Variants in TRMT44 observed in about 807,000 individuals in gnomAD.
TRMT44 encodes probable tRNA (uracil-O(2)-)-methyltransferase.
Under a neutral mutation model 77.3 loss-of-function variants are expected in TRMT44, and 78 were observed. The ratio of observed to expected loss-of-function variants is 1.01; its 90% CI spans 0.84 to 1.22. TRMT44 has a LOEUF of 1.22. Ranked by LOEUF, TRMT44 falls within the 50% of genes most tolerant of loss-of-function variation. TRMT44 has a pLI of 0.00. For synonymous variants in TRMT44, 391 were observed against 383.3 expected (o/e 1.02, Z -0.23); for missense variants, 1,090 against 964.4 (o/e 1.13, Z -1.73).
downstream of TRMT44, among the ~76,000 whole-genome samples, chr4:8,480,519 A>C (rs1399899312): frequency 1.1e-4 from 16 of 152,318 alleles, no homozygotes; most frequent in East Asian, 2.9e-3. Flanking sequence ...CGCCCCCAGA[A>C]GGTCATACTC....
downstream of TRMT44, chr4:8,479,554 G>A (rs1727549180): frequency 6.6e-6 from 1 of 152,048 alleles, no homozygotes; most frequent in Non-Finnish European, 1.5e-5. Flanking sequence ...GTATCTAAAC[G>A]TAGAAAAGGT....
intron 2 of TRMT44, among the ~76,000 whole-genome samples, chr4:8,488,413 A>C (rs2109228135): frequency 6.6e-6 from 1 of 152,272 alleles, no homozygotes; most frequent in African/African-American, 2.4e-5. Flanking sequence ...TAGGTAAAGG[A>C]AAATTACAGT....
the TRMT44 span, among the ~76,000 whole-genome samples, chr4:8,505,052 A>G: frequency 1.3e-5 from 2 of 151,836 alleles, no homozygotes; most frequent in South Asian, 4.2e-4. Flanking sequence ...TCCACCAACA[A>G]CAGCTGATCT....
chr4:8,483,182 A>G (rs1017384147), intron 2 of TRMT44, among the ~76,000 whole-genome samples: 6 of 152,360 alleles, frequency 3.9e-5, no homozygotes, highest in African/African-American at 1.2e-4. Context: ...GACCCAGGAC[A>G]TCTGATTAGA....
Position 8,442,690 on chromosome 4 carries a change from G to A in TRMT44, c.619+1249G>A, listed in dbSNP as rs559103903. On this transcript the variant is annotated intron_variant, in intron 1 of 10. Coordinates refer to ENST00000389737, the MANE Select transcript of TRMT44 (RefSeq NM_152544.3). ...TCGTTGGTAGAATCCAATTTTTTAT[G>A]TAGGACTGGGGTCCTTGTTCCCTTG... 2.2e-4 allele frequency among the ~76,000 whole-genome samples: 34 copies of A among 152,326 alleles called. No individual in the cohort carries two copies. In the South Asian group the frequency reaches 7.0e-3, roughly 32 times the overall value.
chr4:8,449,489 G>A (rs1458804827), intron 2 of TRMT44, among the ~76,000 whole-genome samples, 180 bp from the exon 3 acceptor site: 2 of 152,314 alleles, frequency 1.3e-5, no homozygotes, highest in East Asian at 3.9e-4. Context: ...GGGATTCTCT[G>A]TGCTTTTTAC....
chr4:8,453,185 C>G (rs979266725), intron 5 of TRMT44, among the ~76,000 whole-genome samples, 196 bp downstream of exon 5: 3 of 152,180 alleles, frequency 2.0e-5, no homozygotes, highest in African/African-American at 7.2e-5. Context: ...ACGTGGTGAT[C>G]TCATTGGACC....
At chr4:8,450,001 C>T (rs551535320) in intron 3 of TRMT44, 113 bp downstream of exon 3, 1 of 598,622 alleles carries the variant, frequency 1.7e-6, no homozygotes, top group South Asian at 2.3e-5. Flanking sequence ...GTCACCCCCC[C>T]AAAAAAAAGG....
At chr4:8,448,757 T>C (rs1221806029) in intron 2 of TRMT44, among the ~76,000 whole-genome samples, 1 of 152,224 alleles carries the variant, frequency 6.6e-6, no homozygotes, top group African/African-American at 2.4e-5. Context: ...TGCACCGTGG[T>C]GGCAGAAAAC....
At chr4:8,499,417 C>T in the TRMT44 span, among the ~76,000 whole-genome samples, 1 of 152,162 alleles carries the variant, frequency 6.6e-6, no homozygotes, top group Non-Finnish European at 1.5e-5. Flanking sequence ...CCTGCACCTG[C>T]CATACATTTC....
At chr4:8,489,190 C>T (rs1727916346) in intron 2 of TRMT44, among the ~76,000 whole-genome samples, 2 of 152,344 alleles carry the variant, frequency 1.3e-5, no homozygotes, top group South Asian at 4.1e-4. Flanking sequence ...CTTGAAGGCC[C>T]TGGGGCTGTC....
chr4:8,487,042 A>T (rs1236209744), intron 2 of TRMT44, among the ~76,000 whole-genome samples: 3 of 152,178 alleles, frequency 2.0e-5, no homozygotes, highest in Non-Finnish European at 4.4e-5. Flanking sequence ...GGGCACAGAG[A>T]CTAGGAAGGG....
At chr4:8,470,199 G>A (rs969152978) in intron 9 of TRMT44, among the ~76,000 whole-genome samples, 9 of 152,238 alleles carry the variant, frequency 5.9e-5, no homozygotes, top group Admixed American at 4.6e-4. Context: ...TGAGACAGCC[G>A]AGAGGTGGAC....
intron 6 of TRMT44, among the ~76,000 whole-genome samples, chr4:8,463,485 T>C (rs768110108): frequency 7.2e-5 from 11 of 152,090 alleles, no homozygotes; most frequent in Non-Finnish European, 1.2e-4. Flanking sequence ...ATTTCGTGTA[T>C]TTACATATGT....
At chr4:8,442,051 G>A (rs962029479) in intron 1 of TRMT44, among the ~76,000 whole-genome samples, 4 of 152,228 alleles carry the variant, frequency 2.6e-5, no homozygotes, top group African/African-American at 9.6e-5. Flanking sequence ...CAGTGGGAGC[G>A]TGCTTAACTA....
chr4:8,478,755 A>T (rs1005963502), downstream of TRMT44: 1 of 152,258 alleles, frequency 6.6e-6, no homozygotes, highest in Non-Finnish European at 1.5e-5. Flanking sequence ...CGCCAGGGGT[A>T]CAGTGCGTCT....
intron 10 of TRMT44, among the ~76,000 whole-genome samples, chr4:8,472,866 C>A (rs915380818): frequency 1.3e-5 from 2 of 152,166 alleles, no homozygotes; most frequent in Non-Finnish European, 2.9e-5. Context: ...TACTTCCCAC[C>A]TCCACGGGGC....
chr4:8,471,122 A>G lies in TRMT44; in HGVS notation c.1966A>G (p.Thr656Ala). The G allele has an allele frequency of 6.2e-7, 1 of 1,608,150 alleles. No homozygotes were observed. The highest frequency in any genetic ancestry group is 8.5e-7 in the Non-Finnish European group (1 of 1,177,216). ...SLAEVANELD[T>A]ETLRRLKREC... ...GGCAGAAGTAGCCAACGAGCTGGAC[A>G]CGGAGACCCTGCGGAGGCTGAAGCG... Residue 656 changes from threonine (T) to alanine (A), a missense_variant, in exon 10 of 11, where the codon ACG (threonine) becomes GCG (alanine). Physicochemically the swap from Thr to Ala is moderately conservative, Grantham distance 58. Transcript: ENST00000389737.
At chr4:8,483,476 AAGG>A (rs1269815092) in intron 2 of TRMT44, among the ~76,000 whole-genome samples, 3 of 152,184 alleles carry the variant, frequency 2.0e-5, no homozygotes, top group Non-Finnish European at 4.4e-5. Flanking sequence ...GCCTAATAAA[AAGG>A]AGCGTCTATA....
Sources: gnomAD v4.1 joint callset for allele counts (sites outside exome capture counted in the v4.1 genomes callset) on GRCh38, gnomAD v4.1.1 for gene constraint, MANE v1.5 for transcripts, NCBI Gene and HGNC (gene_info 2026-07-23, HGNC 2026-07-21) for gene names.